TMEM185A: variants seen among roughly 807,000 people sequenced by gnomAD.
TMEM185A encodes family with sequence similarity 11, member A.
A neutral mutation model predicts 25.0 loss-of-function variants in TMEM185A; 9 were observed. That is an observed-to-expected ratio of 0.36 (90% confidence interval 0.22 to 0.63). The LOEUF (loss-of-function observed/expected upper bound fraction) is 0.63. Among genes scored for constraint, TMEM185A ranks in the 20% least tolerant of loss-of-function variants. TMEM185A has a pLI of 0.68. For synonymous variants in TMEM185A, 45 were observed against 93.5 expected (o/e 0.48, Z 2.99); for missense variants, 103 against 237.4 (o/e 0.43, Z 3.72).
chrX:149,621,678 G>T lies in TMEM185A; in HGVS notation c.38+9865C>A, dbSNP rs1327543014. On this transcript the variant is annotated intron_variant, in intron 1 of 6. Transcript: ENST00000600449. ...GAGGTGTCAGCAGGACTATGCTACT[G>T]AAGGCTCTAGGAGAGAATGTTTCTT... Among the ~76,000 whole-genome samples, 3 of 111,817 alleles carry T rather than the reference G, an allele frequency of 2.7e-5. No homozygotes were observed. The East Asian group carries it at 8.4e-4, about 31-fold the overall frequency.
intron 1 of TMEM185A, among the ~76,000 whole-genome samples, chrX:149,612,654 G>C (rs141575619): frequency 0.013 from 1,411 of 112,164 alleles, 21 homozygotes; most frequent in African/African-American, 0.044. Context: ...GACAAAAGGC[G>C]AGACGGGCTT....
intron 1 of TMEM185A, among the ~76,000 whole-genome samples, chrX:149,622,721 G>A (rs1173795156): frequency 1.8e-5 from 2 of 110,654 alleles, no homozygotes; most frequent in African/African-American, 6.7e-5. Context: ...TAGGAACAGA[G>A]GGAGATGATG....
At chrX:149,610,085 G>A (rs1557354297) in intron 2 of TMEM185A, among the ~76,000 whole-genome samples, 4 of 111,420 alleles carry the variant, frequency 3.6e-5, no homozygotes, top group Non-Finnish European at 7.5e-5. Flanking sequence ...TATGTGATAT[G>A]TAATTTACAC....
intron 1 of TMEM185A, among the ~76,000 whole-genome samples, chrX:149,614,626 GA>G (rs782115632): frequency 2.7e-5 from 3 of 111,256 alleles, no homozygotes; most frequent in Non-Finnish European, 5.7e-5. Context: ...AGGGATTAGA[GA>G]AAAAAATCAA....
At position 149,600,572 on chromosome X, in the gene TMEM185A, GT is replaced by G; in HGVS notation, c.508-94del. 1.4e-5 allele frequency: 6 copies of G among 434,443 alleles called. No homozygotes were observed. In the South Asian group the frequency reaches 1.8e-4, roughly 13 times the overall value. The allele number at this position is 434,443 out of a possible 1,213,427, so 35.8% of individuals were successfully genotyped here. On this transcript the variant is annotated intron_variant, in intron 4 of 6. Coordinates refer to ENST00000600449, the MANE Select transcript of TMEM185A (RefSeq NM_032508.4). The stretch of plus-strand genomic sequence containing the variant: ...GCATCTTTAGCACCTTGCTGTGTCT[GT>G]CCAGTTAAGGCGGTCCTTCCTGTGA...
At chrX:149,599,498 C>G (rs1275140340) in intron 6 of TMEM185A, 56 bp downstream of exon 6, 3 of 837,550 alleles carry the variant, frequency 3.6e-6, no homozygotes, top group Non-Finnish European at 4.9e-6. Context: ...CCACCCCCCA[C>G]CCCCTGGTCC....
At chrX:149,613,503 T>C (rs184777264) in intron 1 of TMEM185A, among the ~76,000 whole-genome samples, 1 of 111,742 alleles carries the variant, frequency 8.9e-6, no homozygotes, top group Non-Finnish European at 1.9e-5. Context: ...GGAACTAAAT[T>C]CTGACAATAG....
At position 149,608,705 on chromosome X, in the gene TMEM185A, G is replaced by T. The variant is rs2124210179; in HGVS notation, c.345C>A (p.Val115=). 2 of 1,210,272 alleles carry T rather than the reference G, an allele frequency of 1.7e-6. No homozygotes were observed. Among genetic ancestry groups the T allele is most frequent in the South Asian group, 3.5e-5 (2 of 56,881 alleles). Residue 115 remains valine (V), a synonymous_variant, in exon 3 of 7, where the codon GTC becomes GTA. Coordinates refer to ENST00000600449, the MANE Select transcript of TMEM185A (RefSeq NM_032508.4). Reference sequence around the variant, plus strand: ...GGGAAACAAAGAACAGCGGCATGAAGACCAGGAGCCAGAAATGGCTTCCTC... The same window carrying T: ...GGGAAACAAAGAACAGCGGCATGAATACCAGGAGCCAGAAATGGCTTCCTC... The part of the protein sequence containing the change: ...IERGSHFWLL[V]FMPLFFVSPV...
intron 1 of TMEM185A, among the ~76,000 whole-genome samples, chrX:149,625,447 C>T (rs1279760409): frequency 8.9e-6 from 1 of 112,684 alleles, no homozygotes; most frequent in Non-Finnish European, 1.9e-5. Context: ...AATGAGATTT[C>T]TCTCCTTTAA....
Position 149,611,482 on chromosome X carries a change from G to A in TMEM185A, c.39-19C>T, listed in dbSNP as rs1557354496. 6.9e-6 allele frequency: 8 copies of A among 1,161,727 alleles called. No homozygotes were observed. The highest frequency in any genetic ancestry group is 4.8e-4 in the Middle Eastern group (2 of 4,131). On this transcript the variant is annotated intron_variant, in intron 1 of 6. Transcript: ENST00000600449. ...GAATTTACTAGGAGAAAAGTAAAAC[G>A]ATTAAGAAGGATTCACTTTTACAAA...
At chrX:149,615,043 A>G (rs1557354903) in intron 1 of TMEM185A, among the ~76,000 whole-genome samples, 1 of 112,254 alleles carries the variant, frequency 8.9e-6, no homozygotes, top group African/African-American at 3.2e-5. Flanking sequence ...CTACAGACCA[A>G]TATCTCTCAT....
chrX:149,616,335 T>C (rs782194568), intron 1 of TMEM185A, among the ~76,000 whole-genome samples: 2 of 112,242 alleles, frequency 1.8e-5, no homozygotes, highest in East Asian at 5.6e-4. Context: ...ACATTTATTA[T>C]CCTGAGGCCA....
chrX:149,626,356 A>G (rs2090162643), intron 1 of TMEM185A, among the ~76,000 whole-genome samples: 1 of 112,676 alleles, frequency 8.9e-6, no homozygotes, highest in Non-Finnish European at 1.9e-5. Flanking sequence ...TGCTTTCTTA[A>G]AAACAATAAC....
chrX:149,614,328 A>G (rs1242442703), intron 1 of TMEM185A, among the ~76,000 whole-genome samples: 1 of 112,435 alleles, frequency 8.9e-6, no homozygotes, highest in African/African-American at 3.2e-5. Flanking sequence ...AATAATCCAT[A>G]GGTCAAAGAC....
intron 1 of TMEM185A, among the ~76,000 whole-genome samples, chrX:149,620,780 C>T (rs782529733): frequency 3.0e-4 from 34 of 111,983 alleles, no homozygotes; most frequent in African/African-American, 9.7e-4. Flanking sequence ...TATTAATACT[C>T]GAAAACAAAA....
chrX:149,612,669 G>GAGATTCTT (rs2090089976), intron 1 of TMEM185A, among the ~76,000 whole-genome samples: 2 of 112,067 alleles, frequency 1.8e-5, no homozygotes, highest in Non-Finnish European at 3.8e-5. Flanking sequence ...GGGCTTGGTT[G>GAGATTCTT]GTTTCTCTAC....
At chrX:149,618,661 G>A (rs2090123332) in intron 1 of TMEM185A, among the ~76,000 whole-genome samples, 1 of 111,386 alleles carries the variant, frequency 9.0e-6, no homozygotes, top group African/African-American at 3.3e-5. Context: ...GTTGATATGG[G>A]TTATCCCTAT....
At chrX:149,618,826 G>A (rs1277333369) in intron 1 of TMEM185A, among the ~76,000 whole-genome samples, 1 of 111,890 alleles carries the variant, frequency 8.9e-6, no homozygotes, top group Non-Finnish European at 1.9e-5. Context: ...TGTTTCTACA[G>A]TTTAGCAAAA....
intron 1 of TMEM185A, among the ~76,000 whole-genome samples, chrX:149,622,836 G>A (rs2090145964): frequency 8.9e-6 from 1 of 111,766 alleles, no homozygotes; most frequent in Non-Finnish European, 1.9e-5. Flanking sequence ...TGGGAATAAG[G>A]AATTCCAGAC....
Sources: gnomAD v4.1 joint callset for allele counts (sites outside exome capture counted in the v4.1 genomes callset) on GRCh38, gnomAD v4.1.1 for gene constraint, MANE v1.5 for transcripts, NCBI Gene and HGNC (gene_info 2026-07-23, HGNC 2026-07-21) for gene names.